PDSS2: variants seen among roughly 807,000 people sequenced by gnomAD.
PDSS2 encodes decaprenyl diphosphate synthase subunit 2.
In PDSS2, 31 loss-of-function variants were observed where a neutral mutation model predicts 44.5. That is an observed-to-expected ratio of 0.70 (90% CI 0.52 to 0.94). The LOEUF (loss-of-function observed/expected upper bound fraction) is 0.94, where lower values mean the gene tolerates loss of function less well. PDSS2 is among the 40% of genes least tolerant of loss of function. The pLI is 0.00. For missense variants in PDSS2, 452 were observed against 482.2 expected (o/e 0.94, Z 0.59); for synonymous variants, 157 against 180.3 (o/e 0.87, Z 1.03).
chr6:107,369,141 C>G (rs1050931758), intron 1 of PDSS2, among the ~76,000 whole-genome samples: 19 of 152,148 alleles, frequency 1.2e-4, no homozygotes, highest in Non-Finnish European at 1.5e-5. Flanking sequence ...CAGAACAGGC[C>G]GGGCAAAGTG....
At chr6:107,433,403 C>G (rs1312830126) in intron 1 of PDSS2, among the ~76,000 whole-genome samples, 2 of 152,152 alleles carry the variant, frequency 1.3e-5, no homozygotes, top group African/African-American at 4.8e-5. Context: ...CAGCATGGTA[C>G]TGGCATAAAA....
chr6:107,248,585 T>A (rs915383026), intron 3 of PDSS2, among the ~76,000 whole-genome samples: 24 of 149,674 alleles, frequency 1.6e-4, no homozygotes, highest in Non-Finnish European at 2.8e-4. Flanking sequence ...CAAGGTCTAC[T>A]AATAATTTGA....
intron 4 of PDSS2, among the ~76,000 whole-genome samples, chr6:107,227,479 G>T (rs902824140): frequency 1.3e-5 from 2 of 151,154 alleles, no homozygotes; most frequent in African/African-American, 4.9e-5. Context: ...AGTAAAGGCG[G>T]GTTTCACCAT....
intron 7 of PDSS2, among the ~76,000 whole-genome samples, chr6:107,162,554 G>T (rs1158439174): frequency 7.2e-6 from 1 of 138,144 alleles, no homozygotes; most frequent in South Asian, 2.3e-4. Flanking sequence ...GTTTGTTCAA[G>T]TTTCCAATTT....
intron 1 of PDSS2, among the ~76,000 whole-genome samples, chr6:107,421,397 G>C (rs1005793621): frequency 6.6e-6 from 1 of 152,080 alleles, no homozygotes; most frequent in Non-Finnish European, 1.5e-5. Context: ...TGAATGTTCA[G>C]AGCAGCTTTA....
chr6:107,195,056 A>G (rs951263105), intron 6 of PDSS2, among the ~76,000 whole-genome samples: 2 of 152,212 alleles, frequency 1.3e-5, no homozygotes, highest in Admixed American at 6.5e-5. Context: ...CCACTTCTGC[A>G]TAGAACAAGA....
chr6:107,324,949 G>C (rs553047977), intron 2 of PDSS2, among the ~76,000 whole-genome samples: 50 of 152,168 alleles, frequency 3.3e-4, no homozygotes, highest in African/African-American at 1.2e-3. Context: ...ACTATAATTA[G>C]AAGTCGTCAG....
intron 6 of PDSS2, among the ~76,000 whole-genome samples, chr6:107,203,558 T>C (rs1356285296): frequency 6.6e-6 from 1 of 152,192 alleles, no homozygotes; most frequent in Non-Finnish European, 1.5e-5. Flanking sequence ...CTTGATCATA[T>C]CAGGCTCAAA....
intron 1 of PDSS2, among the ~76,000 whole-genome samples, chr6:107,347,099 T>C (rs1051956796): frequency 3.3e-5 from 5 of 151,818 alleles, no homozygotes; most frequent in East Asian, 1.9e-4. Context: ...ACTGCAGGAG[T>C]AGCCAGGGTC....
At chr6:107,403,291 C>A (rs763663308) in intron 1 of PDSS2, among the ~76,000 whole-genome samples, 21 of 152,226 alleles carry the variant, frequency 1.4e-4, no homozygotes, top group Non-Finnish European at 2.2e-4. Context: ...CCAGGTCACG[C>A]TGATATAAGA....
In PDSS2 at chr6:107,459,377, A is replaced by C; in HGVS notation, c.-92T>G. The C allele has an allele frequency of 1.9e-6, 2 of 1,061,396 alleles. No individual in the cohort carries two copies. The highest frequency in any genetic ancestry group is 2.8e-6 in the Non-Finnish European group (2 of 706,292). 65.7% of individuals were successfully genotyped at this position (1,061,396 alleles called of 1,614,324 possible). A position where few individuals can be genotyped will look rare whatever the true frequency, so the allele number is the denominator to read the frequency against. ...CAGAGGAGGAACTTACAGTAACTAAAAGGAAGCGGCAATTCTTGACCCTCA... is the reference window on the plus strand; with the variant it reads ...CAGAGGAGGAACTTACAGTAACTAACAGGAAGCGGCAATTCTTGACCCTCA... On this transcript the variant is annotated 5_prime_UTR_variant, in exon 1 of 8. Transcript: ENST00000369037. The surrounding 1 kb of genome is among the most constrained non-coding windows in gnomAD (Gnocchi z 4.3).
At chr6:107,455,955 A>G (rs1266784291) in intron 1 of PDSS2, among the ~76,000 whole-genome samples, 1 of 152,176 alleles carries the variant, frequency 6.6e-6, no homozygotes, top group East Asian at 1.9e-4. Context: ...ATGAACACCA[A>G]AAGATATGCA....
intron 4 of PDSS2, among the ~76,000 whole-genome samples, chr6:107,220,685 A>C (rs9398125): frequency 0.76 from 115,421 of 151,960 alleles, 44,550 homozygotes; most frequent in East Asian, 0.99. Flanking sequence ...GTAATACACG[A>C]TCACTGGAAA....
chr6:107,418,509 C>G (rs180754349), intron 1 of PDSS2, among the ~76,000 whole-genome samples: 1 of 152,128 alleles, frequency 6.6e-6, no homozygotes, highest in African/African-American at 2.4e-5. Flanking sequence ...TGGTGGCTCA[C>G]GCCTGTAATC....
At chr6:107,433,076 A>AT (rs1562536522) in intron 1 of PDSS2, among the ~76,000 whole-genome samples, 5 of 151,982 alleles carry the variant, frequency 3.3e-5, no homozygotes, top group African/African-American at 1.2e-4. Flanking sequence ...CCAGGAAAAA[A>AT]ATTTTTTTTT....
At chr6:107,402,528 ACATTT>A (rs367958396) in intron 1 of PDSS2, among the ~76,000 whole-genome samples, 1 of 52,176 alleles carries the variant, frequency 1.9e-5, no homozygotes, top group African/African-American at 6.0e-5. Context: ...ATATATACAT[ACATTT>A]TATATATATA....
intron 1 of PDSS2, among the ~76,000 whole-genome samples, chr6:107,392,055 A>G (rs1779801842): frequency 6.6e-6 from 1 of 152,140 alleles, no homozygotes; most frequent in Non-Finnish European, 1.5e-5. Context: ...AAAAAAAACA[A>G]CTATTAAGCT....
intron 1 of PDSS2, among the ~76,000 whole-genome samples, chr6:107,441,188 A>T (rs977509258): frequency 6.6e-6 from 1 of 152,216 alleles, no homozygotes; most frequent in African/African-American, 2.4e-5. Context: ...TCAAAGCAGC[A>T]AGATAAAAGA....
At chr6:107,326,258 C>T (rs1777542813) in intron 2 of PDSS2, among the ~76,000 whole-genome samples, 1 of 151,882 alleles carries the variant, frequency 6.6e-6, no homozygotes, top group African/African-American at 2.4e-5. Context: ...CAGGTACCAC[C>T]ATGCCTGGCT....
Sources: allele counts gnomAD v4.1 joint callset (sites outside exome capture counted in the v4.1 genomes callset), GRCh38; gene constraint gnomAD v4.1.1; non-coding constraint Gnocchi (gnomAD v3.1); transcripts MANE v1.5; gene names NCBI Gene and HGNC (gene_info 2026-07-23, HGNC 2026-07-21).